Variants in NFIB observed in about 807,000 individuals in gnomAD.
The protein encoded by NFIB is nuclear factor I B.
NFIB carries 11 observed loss-of-function variants against 61.5 expected under a neutral mutation model. The ratio of observed to expected loss-of-function variants is 0.18; its 90% confidence interval spans 0.11 to 0.30. The LOEUF is 0.30. Ranked by LOEUF, NFIB falls within the 10% of genes least tolerant of loss-of-function variation. The pLI is 1.00. For missense variants in NFIB, 471 were observed against 608.9 expected, an observed-to-expected ratio of 0.77 and a Z score of 2.38; for synonymous variants, 260 against 216.5, an observed-to-expected ratio of 1.20 and a Z score of -1.76.
chr9:14,300,046 A>G, intron 2 of NFIB: 1 of 395,702 alleles, frequency 2.5e-6, no homozygotes, highest in Non-Finnish European at 4.5e-6. Context: ...ACTACAACGC[A>G]CTTAGTTTTC....
At chr9:14,179,904 C>T (rs1323208512) in intron 2 of NFIB, 124 bp from the exon 3 acceptor site, 1 of 793,966 alleles carries the variant, frequency 1.3e-6, no homozygotes, top group African/African-American at 1.7e-5. Flanking sequence ...AAATAAAATA[C>T]ACTTTCCCAA....
At chr9:14,141,344 T>C (rs911877113) in intron 6 of NFIB, among the ~76,000 whole-genome samples, 2 of 152,050 alleles carry the variant, frequency 1.3e-5, no homozygotes, top group African/African-American at 4.8e-5. Context: ...AGCTTGAGAG[T>C]CCAGTTTAAT....
At chr9:14,377,487 G>A (rs2061433138) in intron 1 of NFIB, among the ~76,000 whole-genome samples, 1 of 152,004 alleles carries the variant, frequency 6.6e-6, no homozygotes, top group South Asian at 2.1e-4. Flanking sequence ...AAAGTGCTAG[G>A]ATTACAGGCA....
At chr9:14,531,095 A>G in the NFIB span, among the ~76,000 whole-genome samples, 1 of 152,112 alleles carries the variant, frequency 6.6e-6, no homozygotes, top group African/African-American at 2.4e-5. Context: ...ATCATGTAGC[A>G]CTTTTTGGAT....
chr9:14,097,761 A>G (rs1404247208), intron 10 of NFIB, among the ~76,000 whole-genome samples: 1 of 152,120 alleles, frequency 6.6e-6, no homozygotes, highest in Non-Finnish European at 1.5e-5. Context: ...TACAAAGAAA[A>G]TGTTATGAAC....
intron 2 of NFIB, among the ~76,000 whole-genome samples, chr9:14,276,824 C>G (rs2058036450): frequency 6.6e-6 from 1 of 151,936 alleles, no homozygotes; most frequent in South Asian, 2.1e-4. Context: ...ATGCAGTCAC[C>G]TAAATATCTT....
At chr9:14,233,579 C>T (rs2053432601) in intron 2 of NFIB, among the ~76,000 whole-genome samples, 1 of 152,024 alleles carries the variant, frequency 6.6e-6, no homozygotes, top group Admixed American at 6.6e-5. Context: ...CAGGCCCAGG[C>T]CACCACGCCC....
intron 1 of NFIB, among the ~76,000 whole-genome samples, chr9:14,354,801 T>C (rs1241553357): frequency 2.0e-5 from 3 of 151,796 alleles, no homozygotes; most frequent in Non-Finnish European, 4.4e-5. Context: ...TGTGTGTGTG[T>C]GTGTGTGTGT....
chr9:14,245,563 T>A (rs2054825468), intron 2 of NFIB, among the ~76,000 whole-genome samples: 1 of 152,084 alleles, frequency 6.6e-6, no homozygotes, highest in African/African-American at 2.4e-5. Flanking sequence ...TATACTATAA[T>A]GTCATACAAG....
At chr9:14,488,421 T>C in the NFIB span, among the ~76,000 whole-genome samples, 20 of 152,156 alleles carry the variant, frequency 1.3e-4, no homozygotes, top group East Asian at 1.4e-3. Flanking sequence ...CCAGTCATCA[T>C]CCATCCCCAA....
the NFIB span, among the ~76,000 whole-genome samples, chr9:14,474,481 T>C: frequency 1.2e-3 from 177 of 152,350 alleles, no homozygotes; most frequent in Non-Finnish European, 1.9e-3. Context: ...ATTCCATCTA[T>C]AGCATTCGCC....
chr9:14,137,754 G>C (rs950716098), intron 6 of NFIB, among the ~76,000 whole-genome samples: 4 of 151,920 alleles, frequency 2.6e-5, no homozygotes, highest in African/African-American at 9.7e-5. Flanking sequence ...GACAAATATA[G>C]CTCATTTTAA....
intron 3 of NFIB, among the ~76,000 whole-genome samples, chr9:14,169,564 T>C (rs1335673879): frequency 6.6e-6 from 1 of 152,172 alleles, no homozygotes; most frequent in Non-Finnish European, 1.5e-5. Context: ...TTCACGCCTG[T>C]AATCCCAGCA....
chr9:14,453,651 T>G, the NFIB span, among the ~76,000 whole-genome samples: 93 of 152,328 alleles, frequency 6.1e-4, 1 homozygote, highest in African/African-American at 2.2e-3. Flanking sequence ...AATATTGTCT[T>G]ATGAAAGTAG....
chr9:14,239,681 G>A (rs1211798123), intron 2 of NFIB, among the ~76,000 whole-genome samples: 6 of 152,056 alleles, frequency 3.9e-5, no homozygotes, highest in African/African-American at 1.4e-4. Flanking sequence ...TGATCAATGA[G>A]GCATAACCAC....
At chr9:14,325,074 T>A (rs958593359) in intron 1 of NFIB, among the ~76,000 whole-genome samples, 4 of 152,124 alleles carry the variant, frequency 2.6e-5, no homozygotes, top group Admixed American at 2.6e-4. Context: ...GAGAAGTGTT[T>A]TGAAATAGAT....
At chr9:14,172,794 G>C (rs1236403755) in intron 3 of NFIB, among the ~76,000 whole-genome samples, 1 of 151,286 alleles carries the variant, frequency 6.6e-6, no homozygotes, top group Non-Finnish European at 1.5e-5. Context: ...TTTTGAGACG[G>C]AGTCTCACTC....
intron 6 of NFIB, among the ~76,000 whole-genome samples, chr9:14,138,871 A>C (rs916265005): frequency 6.6e-6 from 1 of 151,510 alleles, no homozygotes; most frequent in Non-Finnish European, 1.5e-5. Context: ...TAATCCTGGC[A>C]CTAATAATAA....
chr9:14,277,381 T>C (rs1438540113), intron 2 of NFIB, among the ~76,000 whole-genome samples: 1 of 151,686 alleles, frequency 6.6e-6, no homozygotes, highest in Non-Finnish European at 1.5e-5. Context: ...TTTTGAATCA[T>C]TAAGTCATTT....
Sources: gnomAD v4.1 joint callset for allele counts (sites outside exome capture counted in the v4.1 genomes callset) on GRCh38, gnomAD v4.1.1 for gene constraint, MANE v1.5 for transcripts, NCBI Gene and HGNC (gene_info 2026-07-23, HGNC 2026-07-21) for gene names.